LRP1: variants seen among roughly 807,000 people sequenced by gnomAD.
The protein encoded by LRP1 is prolow-density lipoprotein receptor-related protein 1.
A neutral mutation model predicts 541.5 loss-of-function variants in LRP1; 51 were observed. The ratio of observed to expected loss-of-function variants is 0.09; its 90% CI spans 0.08 to 0.12. The LOEUF is 0.12. Ranked by LOEUF, LRP1 falls within the 10% of genes least tolerant of loss-of-function variation. The pLI is 1.00. For synonymous variants in LRP1, 2,219 were observed against 2,470.8 expected (o/e 0.90, Z 3.02); for missense variants, 3,878 against 6,376.2 (o/e 0.61, Z 13.34).
At position 57,149,893 on chromosome 12, in the gene LRP1, G is replaced by A. The variant is rs953525757; in HGVS notation, c.842-4315G>A. On this transcript the variant is annotated intron_variant, in intron 6 of 88. Coordinates refer to ENST00000243077, the MANE Select transcript of LRP1 (RefSeq NM_002332.3). ...TCCGCCATCTCTCCCAGGCCCAGGC[G>A]AGATCCCTGAGTAGGATTACTAGAC... 8.8e-5 allele frequency: 56 copies of A among 636,464 alleles called. 1 individual carries two copies. The highest frequency in any genetic ancestry group is 8.6e-4 in the South Asian group (48 of 55,782). The allele number at this position is 636,464 out of a possible 1,614,324, so 39.4% of individuals were successfully genotyped here.
At position 57,206,532 on chromosome 12, in the gene LRP1, G is replaced by A. The variant is rs777355497; in HGVS notation, c.11650G>A (p.Gly3884Ser). 24 of 1,613,998 alleles carry A rather than the reference G, an allele frequency of 1.5e-5. No individual in the cohort carries two copies. The highest frequency in any genetic ancestry group is 6.7e-5 in the East Asian group (3 of 44,892). ...DDNEIRSLFP[G>S]HPHSAYEQAF... The stretch of plus-strand genomic sequence containing the variant: ...CAATGAGATCCGCAGCCTGTTCCCC[G>A]GCCACCCCCATTCGGCTTACGAGCA... The change falls in exon 76 of 89, where the codon GGC (glycine) becomes AGC (serine). Residue 3884 changes from glycine to serine, a missense_variant. Physicochemically the swap from Gly to Ser is moderately conservative, Grantham distance 56. Around this residue, in one of 13 missense-constraint regions of LRP1, gnomAD observed 871 missense variants for 1,212.4 expected, o/e 0.72. Transcript: ENST00000243077. The surrounding 1 kb of genome is among the most constrained non-coding windows in gnomAD (Gnocchi z 4.7).
At chr12:57,167,907 G>A (rs1475456627) in intron 19 of LRP1, among the ~76,000 whole-genome samples, 1 of 152,200 alleles carries the variant, frequency 6.6e-6, no homozygotes, top group East Asian at 1.9e-4. Context: ...TCAGGCTCTG[G>A]GCTTCAGGCT....
rs200292944 is a variant in LRP1, at chr12:57,210,110, G to T, written c.12521G>T (p.Gly4174Val). ...GGGCCTGTCTGCACCTGTCCCAATGGGAAGCGGCTGGACAACGGCACATGC... is the reference window on the plus strand; with the variant it reads ...GGGCCTGTCTGCACCTGTCCCAATGTGAAGCGGCTGGACAACGGCACATGC... Reference protein sequence around the residue: ...PSGPVCTCPNGKRLDNGTCVP... With the variant: ...PSGPVCTCPNVKRLDNGTCVP... Residue 4174 changes from glycine (G) to valine (V), a missense_variant, in exon 81 of 89, where the codon GGG becomes GTG. Physicochemically the swap from Gly to Val is moderately radical, Grantham distance 109 (BLOSUM62 -3). Around this residue, in one of 13 missense-constraint regions of LRP1, gnomAD observed 871 missense variants for 1,212.4 expected, o/e 0.72. Transcript: ENST00000243077. 4 of 1,613,510 alleles carry T rather than the reference G, an allele frequency of 2.5e-6. No homozygotes were observed. In the Admixed American group the frequency reaches 5.0e-5, roughly 20 times the overall value.
chr12:57,165,602 G>A lies in LRP1; in HGVS notation c.2531-203G>A. ...CACACTGAAGTACAGTAAGCATTAA[G>A]TAGAGTAAACATCACTATTGTTGCT... On this transcript the variant is annotated intron_variant, in intron 15 of 88. Transcript: ENST00000243077. The surrounding 1 kb of genome is among the most constrained non-coding windows in gnomAD (Gnocchi z 4.5). 1 of 584,398 alleles carries A rather than the reference G, an allele frequency of 1.7e-6. No individual in the cohort carries two copies. The highest frequency in any genetic ancestry group is 2.1e-5 in the South Asian group (1 of 47,362). 36.2% of individuals were successfully genotyped at this position (584,398 alleles called of 1,614,324 possible).
intron 68 of LRP1, 71 bp downstream of exon 68, chr12:57,202,608 C>A: frequency 7.8e-7 from 1 of 1,276,326 alleles, no homozygotes; most frequent in Non-Finnish European, 1.1e-6. Flanking sequence ...GCCCTCCTGC[C>A]ACAGGCCGCG....
In LRP1 at chr12:57,128,905, T is replaced by A; in HGVS notation, c.-60T>A. 1 of 1,391,226 alleles carries A rather than the reference T, an allele frequency of 7.2e-7. No homozygotes were observed. 86.2% of individuals were successfully genotyped at this position (1,391,226 alleles called of 1,614,324 possible). A position where few individuals can be genotyped will look rare whatever the true frequency, so the allele number is the denominator to read the frequency against. ...AGGGGGACCCCCCAACTGGGGGGGG[T>A]GAAGGAGAGAAGTAGCAGGACCAGA... On this transcript the variant is annotated 5_prime_UTR_variant, in exon 1 of 89. Transcript: ENST00000243077.
At chr12:57,171,277 A>G (rs2035939329) in intron 20 of LRP1, among the ~76,000 whole-genome samples, 2 of 152,124 alleles carry the variant, frequency 1.3e-5, no homozygotes, top group Non-Finnish European at 2.9e-5. Flanking sequence ...AGCAGTTGTT[A>G]ACTATGGTAT....
Position 57,178,828 on chromosome 12 carries a change from C to T in LRP1, c.4607-62C>T. ...GAGAGTGGGCGAGGAAGGGGTGGTC[C>T]ATGTAGGGAGCAGCAAGTCACAGGA... On this transcript the variant is annotated intron_variant, in intron 27 of 88. Coordinates refer to ENST00000243077, the MANE Select transcript of LRP1 (RefSeq NM_002332.3). The surrounding 1 kb of genome is among the most constrained non-coding windows in gnomAD (Gnocchi z 5.8). 6.4e-7 allele frequency: 1 copy of T among 1,568,416 alleles called. No homozygotes were observed. The highest frequency in any genetic ancestry group is 1.4e-5 in the African/African-American group (1 of 73,966).
Position 57,205,222 on chromosome 12 carries a change from G to A in LRP1, c.11308G>A (p.Gly3770Ser), listed in dbSNP as rs571678726. ...CAACATGTTCGATGACTGCGGGGAC[G>A]GCTCTGACGAGGAGGACTGCAGCAT... Reference protein sequence around the residue: ...RCNMFDDCGDGSDEEDCSIDP... With the variant: ...RCNMFDDCGDSSDEEDCSIDP... The change falls in exon 73 of 89, where the codon GGC becomes AGC. Residue 3770 changes from glycine (G) to serine (S), a missense_variant. Coordinates refer to ENST00000243077, the MANE Select transcript of LRP1 (RefSeq NM_002332.3). The surrounding 1 kb of genome is among the most constrained non-coding windows in gnomAD (Gnocchi z 4.6). 2.4e-5 allele frequency: 38 copies of A among 1,613,388 alleles called. No homozygotes were observed. Among genetic ancestry groups the A allele is most frequent in the Non-Finnish European group, 3.0e-5 (35 of 1,179,664 alleles).
rs924272314 is a variant in LRP1 at position 57,189,576 on chromosome 12, A to C, written c.7032-1229A>C. 2.6e-5 allele frequency among the ~76,000 whole-genome samples: 4 copies of C among 152,228 alleles called. No individual in the cohort carries two copies. The highest frequency in any genetic ancestry group is 3.4e-3 in the Middle Eastern group (1 of 294). ...ACGTGAGCCCAGCAGAAGGCGGGAT[A>C]GTTCAATGGTGCTGGAGACGCTGGG... On this transcript the variant is annotated intron_variant, in intron 42 of 88. Transcript: ENST00000243077. This position sits in a 1 kb window ranked among gnomAD's most constrained non-coding sequence, Gnocchi z 4.4.
intron 1 of LRP1, among the ~76,000 whole-genome samples, chr12:57,129,629 C>CT (rs2034996258): frequency 1.3e-5 from 2 of 152,204 alleles, no homozygotes. Flanking sequence ...GCTCTTCCCC[C>CT]TCTCAGGGCC....
At chr12:57,207,904 C>T (rs2036819787) in intron 76 of LRP1, 134 bp from the exon 77 acceptor site, 19 of 961,658 alleles carry the variant, frequency 2.0e-5, no homozygotes, top group Non-Finnish European at 2.3e-5. Context: ...AGCTCCATGC[C>T]GGTTGAATCT....
chr12:57,176,220 A>C (rs1484547559), intron 24 of LRP1, 114 bp downstream of exon 24: 9 of 1,007,028 alleles, frequency 8.9e-6, no homozygotes, highest in African/African-American at 8.1e-5. Flanking sequence ...CCCATCCCCC[A>C]CACTTCTGTT....
At position 57,166,940 on chromosome 12, in the gene LRP1, C is replaced by T; in HGVS notation, c.2808C>T (p.Cys936=). 1 of 1,608,672 alleles carries T rather than the reference C, an allele frequency of 6.2e-7. No homozygotes were observed. Among genetic ancestry groups the T allele is most frequent in the Non-Finnish European group, 8.5e-7 (1 of 1,175,308 alleles). The change falls in exon 18 of 89, where the codon TGC becomes TGT. Residue 936 remains cysteine (C), a synonymous_variant. Transcript: ENST00000243077. The part of the protein sequence containing the change: ...ESNATCSART[C]PPNQFSCASG... ...ATCCCTGCCCCCCAGCCCGCACCTG[C>T]CCCCCCAACCAGTTCTCCTGTGCCA...
In LRP1 at chr12:57,179,381, C is replaced by T. The variant is rs750565760; in HGVS notation, c.4791C>T (p.Asp1597=). 7 of 1,614,100 alleles carry T rather than the reference C, an allele frequency of 4.3e-6. No homozygotes were observed. The South Asian group carries it at 5.5e-5, about 13-fold the overall frequency. ...YARQMEIRGV[D]LDAPYYNYII... is the part of the protein sequence containing the mutation. Reference sequence around the variant, plus strand: ...GTCAGATGGAGATCCGAGGTGTGGACCTGGATGCTCCCTACTACAACTACA... The same window carrying T: ...GTCAGATGGAGATCCGAGGTGTGGATCTGGATGCTCCCTACTACAACTACA... The change falls in exon 29 of 89, where the codon GAC becomes GAT. Residue 1597 remains aspartate (D), a synonymous_variant. Coordinates refer to ENST00000243077, the MANE Select transcript of LRP1 (RefSeq NM_002332.3). The surrounding 1 kb of genome is among the most constrained non-coding windows in gnomAD (Gnocchi z 6.8).
Position 57,197,914 on chromosome 12 carries a change from G to T in LRP1, c.9283-242G>T, listed in dbSNP as rs553976661. Among the ~76,000 whole-genome samples the T allele has an allele frequency of 1.3e-5, 2 of 152,276 alleles. No individual in the cohort carries two copies. Among genetic ancestry groups the T allele is most frequent in the African/African-American group, 4.8e-5 (2 of 41,556 alleles). On this transcript the variant is annotated intron_variant, in intron 58 of 88. Transcript: ENST00000243077. This position sits in a 1 kb window ranked among gnomAD's most constrained non-coding sequence, Gnocchi z 4.5. The stretch of plus-strand genomic sequence containing the variant: ...ATCAGGAAGTTCCCTGTGAGGTCTG[G>T]CCAAGCACTGTGAGGCTTGGGGCGT...
intron 6 of LRP1, among the ~76,000 whole-genome samples, chr12:57,152,388 G>A (rs537427349): frequency 2.0e-5 from 3 of 152,184 alleles, no homozygotes; most frequent in Admixed American, 6.5e-5. Flanking sequence ...GACCCCTGCC[G>A]TGCCCACCAA....
At chr12:57,180,007 A>G (rs377451810) in intron 30 of LRP1, 40 bp from the exon 31 acceptor site, 12 of 1,613,510 alleles carry the variant, frequency 7.4e-6, no homozygotes, top group Non-Finnish European at 9.3e-6. Flanking sequence ...GCTGGGAAGA[A>G]GAGGACCCTG....
Position 57,205,680 on chromosome 12 carries a change from G to A in LRP1, c.11590+3G>A. On this transcript the variant is annotated splice_donor_region_variant and intron_variant, in intron 75 of 88. Coordinates refer to ENST00000243077, the MANE Select transcript of LRP1 (RefSeq NM_002332.3). This position sits in a 1 kb window ranked among gnomAD's most constrained non-coding sequence, Gnocchi z 4.6. ...GCACAACACCTGCAAGGCCGAAGGT[G>A]CCGGAGCCACCAGAGGGCAGAAAGG... 3.7e-6 allele frequency: 6 copies of A among 1,609,688 alleles called. No individual in the cohort carries two copies. The highest frequency in any genetic ancestry group is 5.1e-6 in the Non-Finnish European group (6 of 1,179,944).
Sources: allele counts gnomAD v4.1 joint callset (sites outside exome capture counted in the v4.1 genomes callset), GRCh38; gene constraint gnomAD v4.1.1; regional missense constraint gnomAD v4.1.1; non-coding constraint Gnocchi (gnomAD v3.1); transcripts MANE v1.5; gene names NCBI Gene and HGNC (gene_info 2026-07-23, HGNC 2026-07-21).